The following RYK variants were observed in gnomAD, a reference collection of about 807,000 sequenced individuals.
The protein encoded by RYK is receptor like tyrosine kinase, also known as inactive tyrosine-protein kinase RYK.
A neutral mutation model predicts 70.2 loss-of-function variants in RYK; 21 were observed. That is an observed-to-expected ratio of 0.30 (90% CI 0.21 to 0.43). The LOEUF (loss-of-function observed/expected upper bound fraction) is 0.43, where lower values mean the gene tolerates loss of function less well. Among genes scored for constraint, RYK ranks in the 20% least tolerant of loss-of-function variants. The pLI is 1.00. For missense variants in RYK, 604 were observed against 753.3 expected (o/e 0.80, Z 2.32); for synonymous variants, 267 against 278.0 (o/e 0.96, Z 0.39).
intron 7 of RYK, among the ~76,000 whole-genome samples, chr3:134,193,931 T>C (rs1414308566): frequency 6.6e-6 from 1 of 152,192 alleles, no homozygotes; most frequent in Non-Finnish European, 1.5e-5. Context: ...GCTCCATGAA[T>C]GGTACATCAT....
At chr3:134,249,128 T>C (rs1400145464) in intron 1 of RYK, among the ~76,000 whole-genome samples, 1 of 152,210 alleles carries the variant, frequency 6.6e-6, no homozygotes, top group Non-Finnish European at 1.5e-5. Context: ...CTTGTATTAT[T>C]TTTCCTAAAT....
chr3:134,167,864 T>C (rs1055159327), intron 13 of RYK, among the ~76,000 whole-genome samples: 24 of 152,194 alleles, frequency 1.6e-4, no homozygotes, highest in Admixed American at 4.6e-4. Context: ...AAAATTTTTG[T>C]AATCTACTCA....
At chr3:134,236,955 T>TA (rs2107693342) in intron 1 of RYK, among the ~76,000 whole-genome samples, 1 of 152,298 alleles carries the variant, frequency 6.6e-6, no homozygotes, top group Non-Finnish European at 1.5e-5. Flanking sequence ...TAACCAGACT[T>TA]AAATTTCCCA....
In RYK at chr3:134,202,828, A is replaced by G; in HGVS notation, c.690T>C (p.Tyr230=). Residue 230 remains tyrosine (Y), a synonymous_variant, in exon 6 of 15, where the codon TAT becomes TAC. Coordinates refer to ENST00000623711, the MANE Select transcript of RYK (RefSeq NM_002958.4). ...AAPTTSTRVF[Y]ISVGVCCAVI... is the part of the protein sequence containing the mutation. ...CTGCACAACAAACCCCTACACTAAT[A>G]TAAAACACACGCGTAGAAGTGGTTG... 3.7e-6 allele frequency: 6 copies of G among 1,613,798 alleles called. No individual in the cohort carries two copies. Among genetic ancestry groups the G allele is most frequent in the Non-Finnish European group, 5.1e-6 (6 of 1,179,740 alleles).
chr3:134,166,448 G>GAC (rs2012670528), intron 13 of RYK, among the ~76,000 whole-genome samples: 1 of 152,166 alleles, frequency 6.6e-6, no homozygotes, highest in Non-Finnish European at 1.5e-5. Context: ...AATACACTAA[G>GAC]ACACCAACTC....
At chr3:134,207,432 C>T in intron 5 of RYK, 40 bp downstream of exon 5, 2 of 1,343,000 alleles carry the variant, frequency 1.5e-6, no homozygotes, top group Non-Finnish European at 2.0e-6. Context: ...AACCATTTTT[C>T]ATTTCTAATA....
chr3:134,160,127 C>G (rs1271206638), intron 13 of RYK, among the ~76,000 whole-genome samples: 1 of 152,184 alleles, frequency 6.6e-6, no homozygotes, highest in African/African-American at 2.4e-5. Flanking sequence ...GTCAGAACAA[C>G]TGAACTTGGA....
At chr3:134,206,943 C>T (rs2014229358) in intron 5 of RYK, among the ~76,000 whole-genome samples, 1 of 151,894 alleles carries the variant, frequency 6.6e-6, no homozygotes, top group South Asian at 2.1e-4. Flanking sequence ...ATTAACACTA[C>T]CGCAAGAAGA....
chr3:134,233,763 A>G (rs1241594829), intron 1 of RYK, among the ~76,000 whole-genome samples: 1 of 152,210 alleles, frequency 6.6e-6, no homozygotes, highest in Non-Finnish European at 1.5e-5. Context: ...GTGACTAAAA[A>G]ACACTGAAAA....
rs767529596 is a variant in RYK, at chr3:134,159,946, T to C, written c.1576-573A>G. 1.2e-4 allele frequency among the ~76,000 whole-genome samples: 18 copies of C among 152,230 alleles called. 1 individual carries two copies. The highest frequency in any genetic ancestry group is 2.4e-4 in the Non-Finnish European group (16 of 68,034). ...AAACAGTGGCAACAGTGTCCATTCA[T>C]GGTCCGTTCGGGGCTCTCCATTTTG... On this transcript the variant is annotated intron_variant, in intron 13 of 14. Coordinates refer to ENST00000623711, the MANE Select transcript of RYK (RefSeq NM_002958.4).
chr3:134,215,378 C>T (rs1385516496), intron 2 of RYK, among the ~76,000 whole-genome samples: 1 of 152,192 alleles, frequency 6.6e-6, no homozygotes, highest in East Asian at 1.9e-4. Flanking sequence ...GAGAAGGCAG[C>T]CCCTTTGGTC....
At position 134,157,690 on chromosome 3, in the gene RYK, T is replaced by C. The variant is rs2012294709; in HGVS notation, c.*463A>G. ...GTTTTTCCTTTACTAAGAAAAGTATTGCATCTTGAAGACAAACCATTTCCC... is the reference window on the plus strand; with the variant it reads ...GTTTTTCCTTTACTAAGAAAAGTATCGCATCTTGAAGACAAACCATTTCCC... On this transcript the variant is annotated 3_prime_UTR_variant, in exon 15 of 15. Coordinates refer to ENST00000623711, the MANE Select transcript of RYK (RefSeq NM_002958.4). The C allele has an allele frequency of 6.5e-6, 1 of 152,736 alleles. No homozygotes were observed. Among genetic ancestry groups the C allele is most frequent in the Non-Finnish European group, 1.5e-5 (1 of 68,138 alleles). The allele number at this position is 152,736 out of a possible 1,614,324, so 9.5% of individuals were successfully genotyped here.
chr3:134,230,311 C>A (rs1694475844), intron 1 of RYK, among the ~76,000 whole-genome samples: 1 of 152,170 alleles, frequency 6.6e-6, no homozygotes, highest in Non-Finnish European at 1.5e-5. Flanking sequence ...GGTCTCCTGA[C>A]CTCAAGTGAT....
At chr3:134,199,166 C>T (rs1346941446) in intron 6 of RYK, among the ~76,000 whole-genome samples, 1 of 152,260 alleles carries the variant, frequency 6.6e-6, no homozygotes, top group Non-Finnish European at 1.5e-5. Flanking sequence ...AAGCCACACA[C>T]ATGAGCTCCA....
intron 5 of RYK, among the ~76,000 whole-genome samples, chr3:134,205,363 A>G (rs1256334718): frequency 6.6e-6 from 1 of 152,224 alleles, no homozygotes; most frequent in Non-Finnish European, 1.5e-5. Flanking sequence ...AACAAACAAT[A>G]AATCAGAACA....
At chr3:134,238,529 G>A (rs1223812130) in intron 1 of RYK, among the ~76,000 whole-genome samples, 2 of 152,164 alleles carry the variant, frequency 1.3e-5, no homozygotes, top group Non-Finnish European at 2.9e-5. Flanking sequence ...TTTTGGTCCT[G>A]ATAGGTGGTT....
rs981489855 is a variant in RYK, at chr3:134,157,591, T to C, written c.*562A>G. The C allele has an allele frequency of 6.6e-6, 1 of 152,456 alleles. No homozygotes were observed. Among genetic ancestry groups the C allele is most frequent in the African/African-American group, 2.4e-5 (1 of 41,456 alleles). The allele number at this position is 152,456 out of a possible 1,614,324, so 9.4% of individuals were successfully genotyped here. ...TTTTTAAAAAAATTTTTTTTTCCTC[T>C]AGCTTTTCTTTAAATTTTCTTCCTC... On this transcript the variant is annotated 3_prime_UTR_variant, in exon 15 of 15. Transcript: ENST00000623711.
chr3:134,198,313 C>A (rs2013877133), intron 6 of RYK, among the ~76,000 whole-genome samples: 1 of 152,174 alleles, frequency 6.6e-6, no homozygotes, highest in Non-Finnish European at 1.5e-5. Flanking sequence ...ACACTGACAA[C>A]AATTTGTACT....
chr3:134,249,410 T>C (rs947700653), intron 1 of RYK, among the ~76,000 whole-genome samples: 2 of 151,956 alleles, frequency 1.3e-5, no homozygotes, highest in Non-Finnish European at 2.9e-5. Flanking sequence ...ATGGATGCAA[T>C]AGAGAATAAT....
Sources: allele counts gnomAD v4.1 joint callset (sites outside exome capture counted in the v4.1 genomes callset), GRCh38; gene constraint gnomAD v4.1.1; transcripts MANE v1.5; gene names NCBI Gene and HGNC (gene_info 2026-07-23, HGNC 2026-07-21).